The following PRMT3 variants were observed in gnomAD, a reference collection of about 807,000 sequenced individuals.
PRMT3 encodes protein arginine N-methyltransferase 3.
A neutral mutation model predicts 71.9 loss-of-function variants in PRMT3; 62 were observed. The observed-to-expected ratio is 0.86, with a 90% CI of 0.70 to 1.07. The LOEUF is 1.07. PRMT3 is among the 50% of genes least tolerant of loss of function. The pLI, the probability that PRMT3 is intolerant of heterozygous loss-of-function variation, is 0.00. For missense variants in PRMT3, 663 were observed against 643.0 expected (o/e 1.03, Z -0.34); for synonymous variants, 213 against 220.4 (o/e 0.97, Z 0.30).
At chr11:20,417,068 G>C (rs938961392) in intron 9 of PRMT3, among the ~76,000 whole-genome samples, 1 of 152,054 alleles carries the variant, frequency 6.6e-6, no homozygotes, top group African/African-American at 2.4e-5. Flanking sequence ...GTGAAGAATG[G>C]CTCCACCTCC....
intron 11 of PRMT3, among the ~76,000 whole-genome samples, chr11:20,454,030 T>C (rs893832900): frequency 1.3e-5 from 2 of 152,182 alleles, no homozygotes; most frequent in African/African-American, 4.8e-5. Context: ...TTGTTGACCA[T>C]CTACTGGCTG....
intron 15 of PRMT3, among the ~76,000 whole-genome samples, chr11:20,500,386 A>T (rs1851429831): frequency 6.6e-6 from 1 of 151,964 alleles, no homozygotes; most frequent in African/African-American, 2.4e-5. Context: ...GTTTTGTAGA[A>T]ATTAATGGGC....
chr11:20,410,300 AT>A (rs1419674735), intron 9 of PRMT3, among the ~76,000 whole-genome samples: 1 of 152,090 alleles, frequency 6.6e-6, no homozygotes, highest in Non-Finnish European at 1.5e-5. Flanking sequence ...TTTCTGACAA[AT>A]TATTGCTAGA....
chr11:20,390,879 A>G (rs1196130307), intron 3 of PRMT3, among the ~76,000 whole-genome samples: 1 of 151,850 alleles, frequency 6.6e-6, no homozygotes, highest in Admixed American at 6.6e-5. Flanking sequence ...TGAAAACCCA[A>G]CTCTACTAAA....
chr11:20,457,804 C>T (rs933814530), intron 11 of PRMT3, among the ~76,000 whole-genome samples: 1 of 152,204 alleles, frequency 6.6e-6, no homozygotes, highest in Non-Finnish European at 1.5e-5. Context: ...TTAGTATTTT[C>T]ATAACTGTCT....
chr11:20,429,828 G>T (rs1281294568), intron 10 of PRMT3, among the ~76,000 whole-genome samples: 1 of 152,126 alleles, frequency 6.6e-6, no homozygotes, highest in African/African-American at 2.4e-5. Context: ...GGTGAAATTT[G>T]CATTTAAGGC....
chr11:20,429,046 C>T (rs1290106390), intron 10 of PRMT3, among the ~76,000 whole-genome samples: 3 of 152,134 alleles, frequency 2.0e-5, no homozygotes, highest in African/African-American at 7.2e-5. Context: ...GTATAAGTGA[C>T]TTTTGACATT....
chr11:20,434,110 C>G (rs529066059), intron 10 of PRMT3, among the ~76,000 whole-genome samples: 1 of 152,108 alleles, frequency 6.6e-6, no homozygotes, highest in Non-Finnish European at 1.5e-5. Context: ...TTTTGATGTT[C>G]ATTTCTCTAA....
chr11:20,483,740 A>G (rs1851002745), intron 13 of PRMT3, among the ~76,000 whole-genome samples: 2 of 152,210 alleles, frequency 1.3e-5, no homozygotes, highest in Non-Finnish European at 2.9e-5. Flanking sequence ...GTAGTGCTCT[A>G]TAATAGAATA....
chr11:20,498,535 C>T (rs1851385327), intron 15 of PRMT3, among the ~76,000 whole-genome samples: 1 of 152,100 alleles, frequency 6.6e-6, no homozygotes, highest in African/African-American at 2.4e-5. Flanking sequence ...TCGAGACAGG[C>T]CTGGGCAACA....
intron 13 of PRMT3, among the ~76,000 whole-genome samples, chr11:20,465,124 A>G (rs1850481303): frequency 6.6e-6 from 1 of 152,136 alleles, no homozygotes. Flanking sequence ...TTGCTTTAAG[A>G]AAAATGGGGA....
chr11:20,507,852 T>A (rs1305026405), intron 15 of PRMT3, among the ~76,000 whole-genome samples: 3 of 148,590 alleles, frequency 2.0e-5, no homozygotes, highest in Non-Finnish European at 3.0e-5. Flanking sequence ...CATTCCTGTA[T>A]TCCCAGCACT....
intron 11 of PRMT3, among the ~76,000 whole-genome samples, chr11:20,453,714 A>G (rs1020728326): frequency 3.9e-5 from 6 of 151,966 alleles, no homozygotes; most frequent in Admixed American, 1.3e-4. Context: ...GCAACTTTCT[A>G]TGATTGCAGT....
At chr11:20,476,000 A>G (rs1180252265) in intron 13 of PRMT3, among the ~76,000 whole-genome samples, 3 of 152,010 alleles carry the variant, frequency 2.0e-5, no homozygotes, top group African/African-American at 7.2e-5. Context: ...GATTTAAACA[A>G]ATATTAAATG....
intron 9 of PRMT3, among the ~76,000 whole-genome samples, chr11:20,409,572 T>G (rs1849148650): frequency 6.6e-6 from 1 of 151,956 alleles, no homozygotes; most frequent in Non-Finnish European, 1.5e-5. Context: ...CAAATCAGTG[T>G]TAATGGAAAA....
intron 10 of PRMT3, among the ~76,000 whole-genome samples, chr11:20,431,501 C>T (rs901474496): frequency 1.3e-5 from 2 of 152,040 alleles, no homozygotes; most frequent in Non-Finnish European, 2.9e-5. Flanking sequence ...AACTCATGAG[C>T]GAGCTACTAC....
At chr11:20,402,783 A>G in intron 7 of PRMT3, 136 bp from the exon 8 acceptor site, 1 of 575,732 alleles carries the variant, frequency 1.7e-6, no homozygotes, top group Non-Finnish European at 3.1e-6. Context: ...CTTAGGAAAA[A>G]AATAAGCTTG....
intron 10 of PRMT3, among the ~76,000 whole-genome samples, chr11:20,450,301 C>T (rs997949603): frequency 1.3e-5 from 2 of 151,924 alleles, no homozygotes; most frequent in Non-Finnish European, 2.9e-5. Flanking sequence ...ATCTTTTCTT[C>T]GTAAGATAGA....
intron 13 of PRMT3, among the ~76,000 whole-genome samples, chr11:20,482,010 AGTGGGAGGAATCGCCT>A (rs1850948192): frequency 2.0e-5 from 3 of 152,236 alleles, no homozygotes; most frequent in African/African-American, 7.2e-5. Context: ...TGCCTAGAAT[AGTGGGAGGAATCGCCT>A]GTAATACTGA....
Sources: allele counts gnomAD v4.1 joint callset (sites outside exome capture counted in the v4.1 genomes callset), GRCh38; gene constraint gnomAD v4.1.1; transcripts MANE v1.5; gene names NCBI Gene and HGNC (gene_info 2026-07-23, HGNC 2026-07-21).